PRAM1: variants seen among roughly 807,000 people sequenced by gnomAD.
The protein encoded by PRAM1 is PML-RARA regulated adaptor molecule 1, also known as PML-RARA-regulated adapter molecule 1.
In PRAM1, 41 loss-of-function variants were observed where a neutral mutation model predicts 55.3. The observed-to-expected ratio is 0.74, with a 90% confidence interval of 0.58 to 0.96. The LOEUF is 0.96. PRAM1 is among the 40% of genes least tolerant of loss of function. The probability of loss-of-function intolerance (pLI) is 0.00; values close to 1 mark genes in which losing one functional copy is unlikely to be tolerated. For synonymous variants in PRAM1, 401 were observed against 387.1 expected (o/e 1.04, Z -0.42); for missense variants, 898 against 892.7 (o/e 1.01, Z -0.08).
chr19:8,490,371 C>G lies in PRAM1; in HGVS notation c.1942G>C (p.Glu648Gln). Reference sequence around the variant, plus strand: ...TCGACATCATCGTACACCTCCGTCTCCCTGGCAGAGCACAGTTGGGTCAGC... The same window carrying G: ...TCGACATCATCGTACACCTCCGTCTGCCTGGCAGAGCACAGTTGGGTCAGC... ...YVPRTALLPL[E>Q]TEVYDDVDFC... is the part of the protein sequence containing the mutation. Residue 648 changes from glutamate (E) to glutamine (Q), a missense_variant and splice_region_variant, in exon 9 of 10, where the codon GAG becomes CAG. By Grantham distance (29) the Glu-to-Gln change is conservative (BLOSUM62 2). Around this residue, in one of 4 missense-constraint regions of PRAM1, gnomAD observed 787 missense variants for 735.4 expected, o/e 1.07. Transcript: ENST00000423345. This position sits in a 1 kb window ranked among gnomAD's most constrained non-coding sequence, Gnocchi z 7.3. 1 of 1,614,012 alleles carries G rather than the reference C, an allele frequency of 6.2e-7. No individual in the cohort carries two copies. The highest frequency in any genetic ancestry group is 8.5e-7 in the Non-Finnish European group (1 of 1,179,904).
Position 8,490,828 on chromosome 19 carries a change from G to A in PRAM1, c.1743+59C>T. The A allele has an allele frequency of 6.2e-7, 1 of 1,608,330 alleles. No individual in the cohort carries two copies. Among genetic ancestry groups the A allele is most frequent in the Non-Finnish European group, 8.5e-7 (1 of 1,178,894 alleles). ...GCCCCTGTCTTCTTTCTGAGCCTGG[G>A]ATCGGTGGGACCCTGGTCTCCGCCC... On this transcript the variant is annotated intron_variant, in intron 6 of 9. Transcript: ENST00000423345. This position sits in a 1 kb window ranked among gnomAD's most constrained non-coding sequence, Gnocchi z 7.3.
Position 8,498,563 on chromosome 19 carries a change from T to A in PRAM1, c.1245A>T (p.Thr415=). ...PLSPGFGAAG[T]PRWRSGGLVH... Reference sequence around the variant, plus strand: ...CCAGGCCTCCTGACCTCCAGCGGGGTGTCCCAGCCGCTCCAAACCCAGGGC... The same window carrying A: ...CCAGGCCTCCTGACCTCCAGCGGGGAGTCCCAGCCGCTCCAAACCCAGGGC... The change falls in exon 2 of 10, where the codon ACA becomes ACT. Residue 415 remains threonine, a synonymous_variant. Coordinates refer to ENST00000423345, the MANE Select transcript of PRAM1 (RefSeq NM_032152.5). The A allele has an allele frequency of 6.2e-7, 1 of 1,611,724 alleles. No individual in the cohort carries two copies. Among genetic ancestry groups the A allele is most frequent in the Non-Finnish European group, 8.5e-7 (1 of 1,179,332 alleles).
chr19:8,498,031 C>A (rs1161496408), intron 3 of PRAM1, among the ~76,000 whole-genome samples, 191 bp from the exon 4 acceptor site: 2 of 151,712 alleles, frequency 1.3e-5, no homozygotes, highest in Non-Finnish European at 2.9e-5. Context: ...ACAGGTGCCC[C>A]CCACCACACC....
intron 3 of PRAM1, 71 bp downstream of exon 3, chr19:8,498,152 G>C: frequency 6.6e-7 from 1 of 1,506,696 alleles, no homozygotes; most frequent in Non-Finnish European, 9.0e-7. Flanking sequence ...AGTTCTGGGA[G>C]CTCCAGGCCG....
At position 8,490,186 on chromosome 19, in the gene PRAM1, G is replaced by A; in HGVS notation, c.*3C>T. The A allele has an allele frequency of 6.3e-7, 1 of 1,575,662 alleles. No homozygotes were observed. The highest frequency in any genetic ancestry group is 8.6e-7 in the Non-Finnish European group (1 of 1,159,638). ...GGCTGTCCTGGCCCCACGCCTACCG[G>A]TCTTACCGTCCCAGGGGGAGTGGTT... On this transcript the variant is annotated 3_prime_UTR_variant, in exon 10 of 10. Coordinates refer to ENST00000423345, the MANE Select transcript of PRAM1 (RefSeq NM_032152.5). This position sits in a 1 kb window ranked among gnomAD's most constrained non-coding sequence, Gnocchi z 7.3.
In PRAM1 at chr19:8,490,154, G is replaced by A; in HGVS notation, c.*35C>T. On this transcript the variant is annotated 3_prime_UTR_variant, in exon 10 of 10. Transcript: ENST00000423345. This position sits in a 1 kb window ranked among gnomAD's most constrained non-coding sequence, Gnocchi z 7.3. ...GGGCTCCTGGGTGAGCGGGCGCTGG[G>A]CTGGCTGGCTGTCCTGGCCCCACGC... 3 of 1,516,808 alleles carry A rather than the reference G, an allele frequency of 2.0e-6. No individual in the cohort carries two copies. Among genetic ancestry groups the A allele is most frequent in the Non-Finnish European group, 2.7e-6 (3 of 1,128,214 alleles). The allele number at this position is 1,516,808 out of a possible 1,614,324, so 94.0% of individuals were successfully genotyped here. A position where few individuals can be genotyped will look rare whatever the true frequency, so the allele number is the denominator to read the frequency against.
At position 8,490,135 on chromosome 19, in the gene PRAM1, C is replaced by T; in HGVS notation, c.*54G>A. ...TTTCCCGCGCCGGGATCCAGGGCTC[C>T]TGGGTGAGCGGGCGCTGGGCTGGCT... On this transcript the variant is annotated 3_prime_UTR_variant, in exon 10 of 10. Coordinates refer to ENST00000423345, the MANE Select transcript of PRAM1 (RefSeq NM_032152.5). The surrounding 1 kb of genome is among the most constrained non-coding windows in gnomAD (Gnocchi z 7.3). The T allele has an allele frequency of 6.8e-7, 1 of 1,477,394 alleles. No individual in the cohort carries two copies. The highest frequency in any genetic ancestry group is 9.0e-7 in the Non-Finnish European group (1 of 1,106,554). 91.5% of individuals were successfully genotyped at this position (1,477,394 alleles called of 1,614,324 possible).
intron 4 of PRAM1, among the ~76,000 whole-genome samples, chr19:8,495,473 T>C (rs1395781761): frequency 1.3e-5 from 2 of 151,780 alleles, no homozygotes; most frequent in Non-Finnish European, 2.9e-5. Context: ...ACTCCTGACC[T>C]CAAGTGATCC....
intron 2 of PRAM1, 34 bp from the exon 3 acceptor site, chr19:8,498,323 A>G: frequency 5.6e-6 from 9 of 1,601,962 alleles, no homozygotes; most frequent in Non-Finnish European, 7.7e-6. Flanking sequence ...GGAAGCCGGC[A>G]CTGCCTGGGA....
rs1971594210 is a variant in PRAM1, at chr19:8,490,327, T to A, written c.1975+11A>T. ...CAGGGTCCCTCCAGCCCTCCCAGAG[T>A]GTCCACGTACCGCAGAAGTCGACAT... On this transcript the variant is annotated intron_variant, in intron 9 of 9. Coordinates refer to ENST00000423345, the MANE Select transcript of PRAM1 (RefSeq NM_032152.5). This position sits in a 1 kb window ranked among gnomAD's most constrained non-coding sequence, Gnocchi z 7.3. 3 of 1,613,816 alleles carry A rather than the reference T, an allele frequency of 1.9e-6. No individual in the cohort carries two copies. The highest frequency in any genetic ancestry group is 1.1e-5 in the South Asian group (1 of 91,078).
At chr19:8,502,499 CCTT>C (rs1971819585) in intron 1 of PRAM1, 63 bp downstream of exon 1, 2 of 740,066 alleles carry the variant, frequency 2.7e-6, no homozygotes, top group South Asian at 1.4e-5. Context: ...TGGATCCTAT[CCTT>C]CTGGGAACAT....
At position 8,490,652 on chromosome 19, in the gene PRAM1, C is replaced by G. The variant is rs1347665544; in HGVS notation, c.1848G>C (p.Leu616=). ...CATTGCTGGTGAACTCGATCACCTC[C>G]AGGATCTCCCCGCGCCGGATCCCGA... ...KHLGIRRGEI[L]EVIEFTSNEE... The change falls in exon 7 of 10, where the codon CTG becomes CTC. Residue 616 remains leucine, a synonymous_variant. Transcript: ENST00000423345. This position sits in a 1 kb window ranked among gnomAD's most constrained non-coding sequence, Gnocchi z 7.3. 9.4e-6 allele frequency: 15 copies of G among 1,588,702 alleles called. No homozygotes were observed. Among genetic ancestry groups the G allele is most frequent in the Non-Finnish European group, 1.2e-5 (14 of 1,167,534 alleles).
At chr19:8,500,038 C>T (rs1024758041) in intron 1 of PRAM1, among the ~76,000 whole-genome samples, 9 of 151,996 alleles carry the variant, frequency 5.9e-5, no homozygotes, top group Non-Finnish European at 1.3e-4. Flanking sequence ...CTCCTGCAGC[C>T]TCCAGTCCCA....
Position 8,499,115 on chromosome 19 carries a change from A to C in PRAM1, c.693T>G (p.Pro231=). ...ACTTCTTAGGGAGGCCACCGACCTG[A>C]GGCTGCGGAGGCTTTTTGGGGTACA... The part of the protein sequence containing the change: ...FNVYPKKPPQ[P]QVGGLPKKSV... Residue 231 remains proline, a synonymous_variant, in exon 2 of 10, where the codon CCT becomes CCG. Transcript: ENST00000423345. 1.2e-6 allele frequency: 2 copies of C among 1,612,452 alleles called. No individual in the cohort carries two copies. The highest frequency in any genetic ancestry group is 1.7e-6 in the Non-Finnish European group (2 of 1,179,488).
intron 4 of PRAM1, among the ~76,000 whole-genome samples, chr19:8,492,786 C>T (rs1253068571): frequency 6.6e-6 from 1 of 151,950 alleles, no homozygotes; most frequent in East Asian, 2.0e-4. Flanking sequence ...CACTTGAGGT[C>T]AGGAGTTTGA....
intron 3 of PRAM1, 99 bp from the exon 4 acceptor site, chr19:8,497,939 G>A: frequency 2.2e-6 from 2 of 927,218 alleles, no homozygotes; most frequent in African/African-American, 3.4e-5. Flanking sequence ...GTGGTGCAGG[G>A]GCATGATCTC....
intron 4 of PRAM1, among the ~76,000 whole-genome samples, chr19:8,495,518 G>GT (rs1971687985): frequency 6.6e-6 from 1 of 152,184 alleles, no homozygotes; most frequent in Non-Finnish European, 1.5e-5. Flanking sequence ...GGGATGACAG[G>GT]TGTGAGCTGC....
At chr19:8,497,951 G>T in intron 3 of PRAM1, 111 bp from the exon 4 acceptor site, 2 of 833,106 alleles carry the variant, frequency 2.4e-6, no homozygotes, top group East Asian at 2.7e-5. Context: ...CATGATCTCG[G>T]GCTCACTGCA....
intron 3 of PRAM1, 84 bp downstream of exon 3, chr19:8,498,139 C>T (rs1599881014): frequency 7.0e-7 from 1 of 1,436,526 alleles, no homozygotes; most frequent in East Asian, 2.4e-5. Flanking sequence ...TTCAGCCTCC[C>T]GAAGTTCTGG....
Sources: gnomAD v4.1 joint callset for allele counts (sites outside exome capture counted in the v4.1 genomes callset) on GRCh38, gnomAD v4.1.1 for gene constraint, gnomAD v4.1.1 regional missense constraint, Gnocchi (gnomAD v3.1) non-coding constraint, MANE v1.5 for transcripts, NCBI Gene and HGNC (gene_info 2026-07-23, HGNC 2026-07-21) for gene names.